Variants in AOAH observed in about 807,000 individuals in gnomAD.
The protein encoded by AOAH is acyloxyacyl hydrolase (neutrophil).
Under a neutral mutation model 92.2 loss-of-function variants are expected in AOAH, and 64 were observed. The observed-to-expected ratio is 0.69, with a 90% CI of 0.57 to 0.86. AOAH has a LOEUF of 0.86. Among genes scored for constraint, AOAH ranks in the 40% least tolerant of loss-of-function variants. The probability of loss-of-function intolerance (pLI) is 0.00; values close to 1 mark genes in which losing one functional copy is unlikely to be tolerated. For synonymous variants in AOAH, 263 were observed against 254.5 expected (o/e 1.03, Z -0.32); for missense variants, 656 against 694.6 (o/e 0.94, Z 0.62).
intron 5 of AOAH, among the ~76,000 whole-genome samples, chr7:36,635,307 T>C (rs993047024): frequency 2.6e-5 from 4 of 152,138 alleles, no homozygotes; most frequent in Admixed American, 1.3e-4. Flanking sequence ...TTAACCGGCT[T>C]CCTGAGCTTC....
intron 13 of AOAH, 131 bp downstream of exon 13, chr7:36,576,443 G>A (rs1158948604): frequency 8.7e-6 from 5 of 575,922 alleles, no homozygotes; most frequent in Admixed American, 3.3e-5. Flanking sequence ...AAAGGGCAAT[G>A]GCATTGGAAG....
At chr7:36,628,018 C>T (rs1376359175) in intron 6 of AOAH, among the ~76,000 whole-genome samples, 1 of 151,878 alleles carries the variant, frequency 6.6e-6, no homozygotes, top group Admixed American at 6.6e-5. Context: ...GGGTTGGTTG[C>T]GTATGTGGGT....
chr7:36,682,926 A>G (rs1228335029), intron 2 of AOAH, among the ~76,000 whole-genome samples: 1 of 152,192 alleles, frequency 6.6e-6, no homozygotes, highest in Non-Finnish European at 1.5e-5. Context: ...AGGAAACCGA[A>G]CAAACACTAA....
intron 20 of AOAH, among the ~76,000 whole-genome samples, chr7:36,517,186 C>CTTTCTTTCTTTCTTTCT (rs1783788130): frequency 1.6e-5 from 1 of 62,738 alleles, no homozygotes; most frequent in Non-Finnish European, 3.2e-5. Flanking sequence ...TTCTTTCTTT[C>CTTTCTTTCTTTCTTTCT]TTTCTTTCTT....
At chr7:36,657,837 GA>G (rs1794982153) in intron 4 of AOAH, among the ~76,000 whole-genome samples, 1 of 152,158 alleles carries the variant, frequency 6.6e-6, no homozygotes, top group Non-Finnish European at 1.5e-5. Flanking sequence ...TAAAAATAAA[GA>G]ATGCCATTTT....
At position 36,674,021 on chromosome 7, in the gene AOAH, A is replaced by G. The variant is rs202071741; in HGVS notation, c.224-12T>C. ...CAAGAACAGTTTTTCTAAAAAATAT[A>G]AAGAGGGAAATTGAATATATTTTTA... On this transcript the variant is annotated splice_polypyrimidine_tract_variant and intron_variant, in intron 2 of 20. Coordinates refer to ENST00000617537, the MANE Select transcript of AOAH (RefSeq NM_001637.4). The G allele has an allele frequency of 5.6e-4, 851 of 1,528,776 alleles. 1 individual carries two copies. The highest frequency in any genetic ancestry group is 7.2e-4 in the Non-Finnish European group (793 of 1,103,848). 94.7% of individuals were successfully genotyped at this position (1,528,776 alleles called of 1,614,324 possible).
intron 4 of AOAH, among the ~76,000 whole-genome samples, chr7:36,641,074 A>T (rs1793869892): frequency 6.6e-6 from 1 of 151,974 alleles, no homozygotes; most frequent in Non-Finnish European, 1.5e-5. Flanking sequence ...ATCCCTCTTC[A>T]CCCCTAGAAA....
intron 3 of AOAH, among the ~76,000 whole-genome samples, chr7:36,673,686 G>A (rs1040379367): frequency 6.6e-6 from 1 of 152,218 alleles, no homozygotes; most frequent in African/African-American, 2.4e-5. Context: ...ATCCAGGGAG[G>A]CGGAGAGGGC....
chr7:36,566,326 A>G (rs915180605), intron 13 of AOAH, among the ~76,000 whole-genome samples: 1 of 150,704 alleles, frequency 6.6e-6, no homozygotes, highest in East Asian at 1.9e-4. Flanking sequence ...GCCTGGATTA[A>G]TACTCATTTA....
At chr7:36,630,166 G>T (rs1376897760) in intron 6 of AOAH, among the ~76,000 whole-genome samples, 3 of 152,246 alleles carry the variant, frequency 2.0e-5, no homozygotes, top group Non-Finnish European at 4.4e-5. Flanking sequence ...GCGTGGCCCT[G>T]CTGCCATTTT....
At chr7:36,564,276 T>A (rs1004073619) in intron 13 of AOAH, among the ~76,000 whole-genome samples, 7 of 152,236 alleles carry the variant, frequency 4.6e-5, no homozygotes, top group African/African-American at 7.2e-5. Context: ...GTGCTTCTTA[T>A]GTCCAGAGGC....
chr7:36,556,574 G>A (rs1786732171), intron 13 of AOAH, among the ~76,000 whole-genome samples: 1 of 150,258 alleles, frequency 6.7e-6, no homozygotes, highest in Non-Finnish European at 1.5e-5. Flanking sequence ...GTCTAATGTT[G>A]ACAGTGGGGT....
At chr7:36,650,230 C>T (rs769591070) in intron 4 of AOAH, among the ~76,000 whole-genome samples, 8 of 152,126 alleles carry the variant, frequency 5.3e-5, no homozygotes, top group African/African-American at 1.2e-4. Flanking sequence ...TGAGAAAATC[C>T]GTAGAAAAAG....
chr7:36,670,913 C>G (rs1381854539), intron 3 of AOAH, among the ~76,000 whole-genome samples: 1 of 152,162 alleles, frequency 6.6e-6, no homozygotes, highest in African/African-American at 2.4e-5. Context: ...CTCACACTCA[C>G]CACTCTATAG....
chr7:36,712,549 G>T (rs1798837376), intron 1 of AOAH, among the ~76,000 whole-genome samples: 1 of 152,130 alleles, frequency 6.6e-6, no homozygotes, highest in African/African-American at 2.4e-5. Flanking sequence ...TTGAAAAGTG[G>T]CAGAAAGAGG....
intron 5 of AOAH, among the ~76,000 whole-genome samples, chr7:36,637,425 G>T (rs538744248): frequency 2.0e-5 from 3 of 152,288 alleles, no homozygotes; most frequent in African/African-American, 7.2e-5. Context: ...CCTCCTCCAA[G>T]ACGGTCTACT....
chr7:36,702,793 C>T (rs571765001), intron 1 of AOAH, among the ~76,000 whole-genome samples: 1 of 152,256 alleles, frequency 6.6e-6, no homozygotes, highest in East Asian at 1.9e-4. Context: ...GTAGGGGTGG[C>T]TGTGGCAATT....
intron 2 of AOAH, among the ~76,000 whole-genome samples, chr7:36,677,501 C>G (rs537976025): frequency 4.1e-4 from 63 of 152,146 alleles, no homozygotes; most frequent in Non-Finnish European, 8.4e-4. Context: ...TAAACTCGTG[C>G]AGCCAGTTTG....
chr7:36,558,490 G>A (rs1209018489), intron 13 of AOAH, among the ~76,000 whole-genome samples: 1 of 152,240 alleles, frequency 6.6e-6, no homozygotes, highest in Non-Finnish European at 1.5e-5. Context: ...CCAGCTGTGT[G>A]CTGGGAGAAC....
Sources: gnomAD v4.1 joint callset for allele counts (sites outside exome capture counted in the v4.1 genomes callset) on GRCh38, gnomAD v4.1.1 for gene constraint, MANE v1.5 for transcripts, NCBI Gene and HGNC (gene_info 2026-07-23, HGNC 2026-07-21) for gene names.